PCDHGA3: variants seen among roughly 807,000 people sequenced by gnomAD.
PCDHGA3 encodes protocadherin gamma-A3.
PCDHGA3 carries 40 observed loss-of-function variants against 58.5 expected under a neutral mutation model. The ratio of observed to expected loss-of-function variants is 0.68; its 90% CI spans 0.53 to 0.89. The LOEUF (loss-of-function observed/expected upper bound fraction) is 0.89. Ranked by LOEUF, PCDHGA3 falls within the 40% of genes least tolerant of loss-of-function variation. PCDHGA3 has a pLI of 0.00. For missense variants in PCDHGA3, 1,223 were observed against 1,195.9 expected, an observed-to-expected ratio of 1.02 and a Z score of -0.33; for synonymous variants, 530 against 525.7, an observed-to-expected ratio of 1.01 and a Z score of -0.11.
chr5:141,464,483 C>G (rs192469583), intron 1 of PCDHGA3, among the ~76,000 whole-genome samples: 32 of 151,368 alleles, frequency 2.1e-4, no homozygotes, highest in African/African-American at 7.3e-4. Flanking sequence ...ATAATAAATT[C>G]CTAATAGTGT....
chr5:141,431,868 A>G lies in PCDHGA3; in HGVS notation c.2425-62939A>G, dbSNP rs755283039. On this transcript the variant is annotated intron_variant, in intron 1 of 3. Coordinates refer to ENST00000253812, the MANE Select transcript of PCDHGA3 (RefSeq NM_018916.4). This position sits in a 1 kb window ranked among gnomAD's most constrained non-coding sequence, Gnocchi z 4.8. ...AGAGGGACATTAATTGCCCTTTTAAATGTAAATGACCAAGATTCTGAGGAA... is the reference window on the plus strand; with the variant it reads ...AGAGGGACATTAATTGCCCTTTTAAGTGTAAATGACCAAGATTCTGAGGAA... 4.3e-6 allele frequency: 7 copies of G among 1,614,102 alleles called. No individual in the cohort carries two copies. In the South Asian group the frequency reaches 6.6e-5, roughly 15 times the overall value.
chr5:141,422,629 A>C lies in PCDHGA3; in HGVS notation c.2425-72178A>C, dbSNP rs780472571. 1.9e-6 allele frequency: 3 copies of C among 1,613,270 alleles called. No homozygotes were observed. The Admixed American group carries it at 5.0e-5, about 27-fold the overall frequency. Reference sequence around the variant, plus strand: ...TGCCTACATTCCCGAAAACAACCCCAGGGGTGCCTCCATCTTCTCAGTGAC... The same window carrying C: ...TGCCTACATTCCCGAAAACAACCCCCGGGGTGCCTCCATCTTCTCAGTGAC... On this transcript the variant is annotated intron_variant, in intron 1 of 3. Transcript: ENST00000253812.
At chr5:141,420,469 T>C in intron 1 of PCDHGA3, 1 of 724,306 alleles carries the variant, frequency 1.4e-6, no homozygotes. Flanking sequence ...AAAGACATTT[T>C]AAAGCAAACT....
chr5:141,345,053 G>A lies in PCDHGA3; in HGVS notation c.1020G>A (p.Val340=). The A allele has an allele frequency of 6.2e-7, 1 of 1,613,966 alleles. No homozygotes were observed. Among genetic ancestry groups the A allele is most frequent in the Non-Finnish European group, 8.5e-7 (1 of 1,179,902 alleles). ...AGATTCTAGTCACGGTTCTGGATGT[G>A]AATGACAATGCTCCAGAAATTACAA... The part of the protein sequence containing the change: ...RAKILVTVLD[V]NDNAPEITIT... The change falls in exon 1 of 4, where the codon GTG becomes GTA. Residue 340 remains valine (V), a synonymous_variant. Transcript: ENST00000253812.
chr5:141,404,682 T>G lies in PCDHGA3; in HGVS notation c.2424+58225T>G, dbSNP rs766278950. 2.5e-6 allele frequency: 4 copies of G among 1,613,914 alleles called. No individual in the cohort carries two copies. Among genetic ancestry groups the G allele is most frequent in the Non-Finnish European group, 2.5e-6 (3 of 1,179,906 alleles). On this transcript the variant is annotated intron_variant, in intron 1 of 3. Coordinates refer to ENST00000253812, the MANE Select transcript of PCDHGA3 (RefSeq NM_018916.4). ...ACTGATGGTTCTACTGGTGTGGAGC[T>G]GGCACCCCGCTCTGCAGAGCCTGGC...
chr5:141,360,779 T>C, intron 1 of PCDHGA3: 1 of 1,613,956 alleles, frequency 6.2e-7, no homozygotes, highest in Non-Finnish European at 8.5e-7. Context: ...CTCACAGCTG[T>C]GGATGGCGGA....
chr5:141,492,870 C>G (rs2099744684), intron 1 of PCDHGA3, among the ~76,000 whole-genome samples: 1 of 152,192 alleles, frequency 6.6e-6, no homozygotes, highest in African/African-American at 2.4e-5. Flanking sequence ...TGGCTCTCAA[C>G]CCCCAGAGAT....
In PCDHGA3 at chr5:141,392,927, G is replaced by C. The variant is rs758960557; in HGVS notation, c.2424+46470G>C. The C allele has an allele frequency of 5.6e-6, 9 of 1,613,832 alleles. No homozygotes were observed. In the East Asian group the frequency reaches 2.0e-4, roughly 36 times the overall value. On this transcript the variant is annotated intron_variant, in intron 1 of 3. Coordinates refer to ENST00000253812, the MANE Select transcript of PCDHGA3 (RefSeq NM_018916.4). Reference sequence around the variant, plus strand: ...AGATTCGCTACTCTGTGCCAGAAGAGACGGACAAAGGCTCCTTCGTGGGTA... The same window carrying C: ...AGATTCGCTACTCTGTGCCAGAAGACACGGACAAAGGCTCCTTCGTGGGTA...
chr5:141,431,216 C>A lies in PCDHGA3; in HGVS notation c.2425-63591C>A. On this transcript the variant is annotated intron_variant, in intron 1 of 3. Coordinates refer to ENST00000253812, the MANE Select transcript of PCDHGA3 (RefSeq NM_018916.4). The surrounding 1 kb of genome is among the most constrained non-coding windows in gnomAD (Gnocchi z 4.8). ...AAATGCAGCCACTGAGATGCGGTTC[C>A]CTCTACCCCACGCCTGGGATCCGGA... The A allele has an allele frequency of 6.2e-7, 1 of 1,614,162 alleles. No homozygotes were observed. The highest frequency in any genetic ancestry group is 8.5e-7 in the Non-Finnish European group (1 of 1,180,048).
At chr5:141,480,221 T>C (rs2099514536) in intron 1 of PCDHGA3, among the ~76,000 whole-genome samples, 1 of 149,748 alleles carries the variant, frequency 6.7e-6, no homozygotes, top group Admixed American at 6.7e-5. Context: ...CTGAGCGACA[T>C]AGTGAGATCC....
At chr5:141,510,366 T>A (rs1452829030) in intron 3 of PCDHGA3, among the ~76,000 whole-genome samples, 1 of 140,062 alleles carries the variant, frequency 7.1e-6, no homozygotes, top group Non-Finnish European at 1.6e-5. Context: ...AACTACCGAA[T>A]CTCTACTCGT....
chr5:141,423,177 C>G (rs748689237), intron 1 of PCDHGA3: 7 of 1,613,430 alleles, frequency 4.3e-6, no homozygotes, highest in Non-Finnish European at 5.1e-6. Context: ...TCCAGGACCA[C>G]GGCCAGCCCC....
intron 1 of PCDHGA3, among the ~76,000 whole-genome samples, chr5:141,472,346 C>G (rs1393301393): frequency 6.6e-6 from 1 of 151,722 alleles, no homozygotes; most frequent in Non-Finnish European, 1.5e-5. Flanking sequence ...TCGAGACCAT[C>G]CTGGCTAACA....
chr5:141,494,921 A>C (rs1345734925), intron 2 of PCDHGA3, 56 bp downstream of exon 2: 6 of 1,613,556 alleles, frequency 3.7e-6, no homozygotes, highest in Non-Finnish European at 5.1e-6. Flanking sequence ...CTCAGGGATG[A>C]CGTGGGAGGA....
intron 1 of PCDHGA3, among the ~76,000 whole-genome samples, chr5:141,484,202 T>C (rs2099593138): frequency 6.6e-6 from 1 of 152,214 alleles, no homozygotes; most frequent in Non-Finnish European, 1.5e-5. Context: ...ATTAAATCTA[T>C]GAACATTAGC....
rs184860941 is a variant in PCDHGA3, at chr5:141,386,661, G to A, written c.2424+40204G>A. On this transcript the variant is annotated intron_variant, in intron 1 of 3. Coordinates refer to ENST00000253812, the MANE Select transcript of PCDHGA3 (RefSeq NM_018916.4). ...CTGGATACATTTTACAAGTTCTGCA[G>A]TGTTCACATTTCAGATGTACAATCA... Among the ~76,000 whole-genome samples the A allele has an allele frequency of 2.0e-4, 31 of 152,110 alleles. No individual in the cohort carries two copies. In the East Asian group the frequency reaches 3.5e-3, roughly 17 times the overall value.
intron 1 of PCDHGA3, among the ~76,000 whole-genome samples, chr5:141,463,135 C>T (rs1352400365): frequency 6.6e-6 from 1 of 152,246 alleles, no homozygotes; most frequent in Middle Eastern, 3.4e-3. Context: ...GGCAGTTCTT[C>T]GCCCAGCTGC....
intron 1 of PCDHGA3, chr5:141,478,470 G>A (rs753075137): frequency 1.2e-6 from 2 of 1,613,686 alleles, no homozygotes; most frequent in Non-Finnish European, 1.7e-6. Context: ...CTGGCCAGCC[G>A]CCAGAACACG....
At chr5:141,390,526 T>A (rs1405081511) in intron 1 of PCDHGA3, 1 of 548,156 alleles carries the variant, frequency 1.8e-6, no homozygotes, top group African/African-American at 1.9e-5. Flanking sequence ...AATGAGGGTG[T>A]GGTTTTAACC....
Sources: allele counts gnomAD v4.1 joint callset (sites outside exome capture counted in the v4.1 genomes callset), GRCh38; gene constraint gnomAD v4.1.1; non-coding constraint Gnocchi (gnomAD v3.1); transcripts MANE v1.5; gene names NCBI Gene and HGNC (gene_info 2026-07-23, HGNC 2026-07-21).